FLI1: variants seen among roughly 807,000 people sequenced by gnomAD.
FLI1 encodes the protein Fli-1 proto-oncogene, ETS transcription factor.
Under a neutral mutation model 53.1 loss-of-function variants are expected in FLI1, and 13 were observed. The observed-to-expected ratio is 0.24, with a 90% CI of 0.16 to 0.39. The LOEUF is 0.39. Ranked by LOEUF, FLI1 falls within the 10% of genes least tolerant of loss-of-function variation. The pLI, the probability that FLI1 is intolerant of heterozygous loss-of-function variation, is 1.00. For missense variants in FLI1, 424 were observed against 600.5 expected (o/e 0.71, Z 3.07); for synonymous variants, 244 against 236.7 (o/e 1.03, Z -0.28).
At chr11:128,713,049 C>T (rs609017) in intron 1 of FLI1, among the ~76,000 whole-genome samples, 87,351 of 151,972 alleles carry the variant, frequency 0.57, 25,626 homozygotes, top group South Asian at 0.78. Context: ...CACATCATTG[C>T]GAAGGTCAAT....
chr11:128,784,006 G>A (rs1012183098), intron 5 of FLI1, among the ~76,000 whole-genome samples: 5 of 151,450 alleles, frequency 3.3e-5, no homozygotes, highest in Non-Finnish European at 4.4e-5. Context: ...AGGGAAGGAG[G>A]AAGGGAGGGA....
chr11:128,735,735 A>G (rs1472272598), intron 1 of FLI1, among the ~76,000 whole-genome samples: 1 of 152,158 alleles, frequency 6.6e-6, no homozygotes, highest in African/African-American at 2.4e-5. Context: ...AGTTCTTATG[A>G]ACTTCCTAGG....
rs1475597382 is a variant in FLI1 at position 128,758,135 on chromosome 11, C to T, written c.39C>T (p.Ser13=). 3.7e-6 allele frequency: 6 copies of T among 1,612,650 alleles called. No individual in the cohort carries two copies. Among genetic ancestry groups the T allele is most frequent in the African/African-American group, 1.3e-5 (1 of 75,010 alleles). ...GTIKEALSVV[S]DDQSLFDSAY... is the part of the protein sequence containing the mutation. ...TGCAGGAGGCTCTGTCGGTGGTGAG[C>T]GACGACCAGTCCCTCTTTGACTCAG... Residue 13 remains serine, a synonymous_variant, in exon 2 of 9, where the codon AGC becomes AGT. Coordinates refer to ENST00000527786, the MANE Select transcript of FLI1 (RefSeq NM_002017.5).
At chr11:128,719,348 C>T (rs952008997) in intron 1 of FLI1, among the ~76,000 whole-genome samples, 2 of 139,114 alleles carry the variant, frequency 1.4e-5, no homozygotes, top group African/African-American at 2.8e-5. Context: ...CTCTTTCTCC[C>T]CTTTTCCCGT....
chr11:128,694,962 G>C (rs970380582), intron 1 of FLI1, among the ~76,000 whole-genome samples: 3 of 152,126 alleles, frequency 2.0e-5, no homozygotes, highest in Admixed American at 2.0e-4. Context: ...CTCCGGCGGG[G>C]AACCTTCCCC....
chr11:128,757,072 CTT>C (rs1460986406), intron 1 of FLI1, among the ~76,000 whole-genome samples: 3 of 144,776 alleles, frequency 2.1e-5, no homozygotes, highest in African/African-American at 8.1e-5. Context: ...TTCTTTCTTT[CTT>C]TCTTTCTTTC....
At chr11:128,726,185 A>G (rs1939465824) in intron 1 of FLI1, among the ~76,000 whole-genome samples, 1 of 151,522 alleles carries the variant, frequency 6.6e-6, no homozygotes, top group Non-Finnish European at 1.5e-5. Context: ...AATCTCCCCC[A>G]ACCGCTGGCT....
upstream of FLI1, chr11:128,692,730 C>T (rs1363215165): frequency 1.3e-5 from 2 of 151,864 alleles, no homozygotes; most frequent in African/African-American, 4.8e-5. Flanking sequence ...ATTTTTTTTC[C>T]CTCTTTCCCC....
intron 4 of FLI1, among the ~76,000 whole-genome samples, chr11:128,778,552 G>A (rs1941814579): frequency 6.6e-6 from 1 of 152,234 alleles, no homozygotes; most frequent in Non-Finnish European, 1.5e-5. Flanking sequence ...AAAATGATAT[G>A]ACTTCGCTGA....
At chr11:128,787,392 G>A (rs796388542) in intron 5 of FLI1, among the ~76,000 whole-genome samples, 21 of 152,234 alleles carry the variant, frequency 1.4e-4, no homozygotes, top group South Asian at 4.1e-4. Flanking sequence ...ACTCAAGTCC[G>A]GGCCTTTGGT....
At chr11:128,699,754 C>A (rs148364186) in intron 1 of FLI1, among the ~76,000 whole-genome samples, 73 of 152,326 alleles carry the variant, frequency 4.8e-4, no homozygotes, top group Non-Finnish European at 7.9e-4. Flanking sequence ...TCCCCAGAGG[C>A]TATGGATAGG....
intron 1 of FLI1, among the ~76,000 whole-genome samples, chr11:128,746,882 T>G (rs1344449051): frequency 1.3e-5 from 2 of 152,088 alleles, no homozygotes; most frequent in East Asian, 1.9e-4. Flanking sequence ...CCAATAAAGC[T>G]CCACATTGAC....
intron 5 of FLI1, among the ~76,000 whole-genome samples, chr11:128,800,415 G>A (rs1942598538): frequency 6.6e-6 from 1 of 152,188 alleles, no homozygotes; most frequent in Non-Finnish European, 1.5e-5. Flanking sequence ...CTGGCCTCTG[G>A]TCAGGTCACA....
At chr11:128,747,418 G>A (rs1471406897) in intron 1 of FLI1, among the ~76,000 whole-genome samples, 1 of 152,202 alleles carries the variant, frequency 6.6e-6, no homozygotes, top group Non-Finnish European at 1.5e-5. Flanking sequence ...AGCCCTCCCT[G>A]CAGGTTCTCC....
chr11:128,788,036 T>A (rs1942151008), intron 5 of FLI1, among the ~76,000 whole-genome samples: 2 of 151,550 alleles, frequency 1.3e-5, no homozygotes, highest in South Asian at 4.2e-4. Context: ...GGTCTCGACC[T>A]CCTGACCTCA....
rs1441530872 is a variant in FLI1 at position 128,805,382 on chromosome 11, A to G, written c.672A>G (p.Ser224=). 2.5e-6 allele frequency: 4 copies of G among 1,588,448 alleles called. No homozygotes were observed. In the South Asian group the frequency reaches 3.4e-5, roughly 14 times the overall value. ...GTTCATTAGACCCTTCTTATGACTCAGTCAGAAGAGGAGCTTGGGGCAATA... is the reference window on the plus strand; with the variant it reads ...GTTCATTAGACCCTTCTTATGACTCGGTCAGAAGAGGAGCTTGGGGCAATA... The part of the protein sequence containing the change: ...LSVKEDPSYD[S]VRRGAWGNNM... Residue 224 remains serine (S), a synonymous_variant, in exon 6 of 9, where the codon TCA becomes TCG. Transcript: ENST00000527786.
At chr11:128,707,176 A>C (rs1208061961) in intron 1 of FLI1, among the ~76,000 whole-genome samples, 1 of 152,060 alleles carries the variant, frequency 6.6e-6, no homozygotes, top group Non-Finnish European at 1.5e-5. Flanking sequence ...CCAGCACGAT[A>C]CTCTGTCAAT....
chr11:128,781,848 T>C, intron 4 of FLI1, 110 bp from the exon 5 acceptor site: 1 of 858,628 alleles, frequency 1.2e-6, no homozygotes, highest in East Asian at 2.4e-5. Context: ...CCTCTGTCCC[T>C]CTTCCCCTCT....
At position 128,807,236 on chromosome 11, in the gene FLI1, C is replaced by A; in HGVS notation, c.778C>A (p.Pro260Thr). 6.3e-7 allele frequency: 1 copy of A among 1,598,576 alleles called. No individual in the cohort carries two copies. Residue 260 changes from proline to threonine, a missense_variant, in exon 7 of 9, where the codon CCA becomes ACA. Physicochemically the swap from Pro to Thr is conservative, Grantham distance 38. This residue lies in a region of FLI1 where 71 missense variants were observed against 174.2 expected (regional missense o/e 0.41). Coordinates refer to ENST00000527786, the MANE Select transcript of FLI1 (RefSeq NM_002017.5). ...ISKNTEQRPQ[P>T]DPYQILGPTS... is the part of the protein sequence containing the mutation. Reference sequence around the variant, plus strand: ...TAAGAATACAGAGCAACGGCCCCAGCCAGGTACCTGCCCAGGATATGTAAT... The same window carrying A: ...TAAGAATACAGAGCAACGGCCCCAGACAGGTACCTGCCCAGGATATGTAAT...
Sources: gnomAD v4.1 joint callset for allele counts (sites outside exome capture counted in the v4.1 genomes callset) on GRCh38, gnomAD v4.1.1 for gene constraint, gnomAD v4.1.1 regional missense constraint, MANE v1.5 for transcripts, NCBI Gene and HGNC (gene_info 2026-07-23, HGNC 2026-07-21) for gene names.